PCGF5: variants seen among roughly 807,000 people sequenced by gnomAD.
PCGF5 encodes polycomb group RING finger protein 5.
Under a neutral mutation model 44.3 loss-of-function variants are expected in PCGF5, and 9 were observed. The ratio of observed to expected loss-of-function variants is 0.20; its 90% CI spans 0.12 to 0.35. PCGF5 has a LOEUF of 0.35. PCGF5 is among the 10% of genes least tolerant of loss of function. The pLI, the probability that PCGF5 is intolerant of heterozygous loss-of-function variation, is 1.00. For missense variants in PCGF5, 146 were observed against 305.3 expected (o/e 0.48, Z 3.89); for synonymous variants, 95 against 102.5 (o/e 0.93, Z 0.44).
rs975194774 is a variant in PCGF5 at position 91,201,509 on chromosome 10, G to C, written c.-183-21180G>C. ...TCCCATCAAAGTGAAAGCTTACCAG[G>C]AAGCCCAATGTGTAAAAAAAATACG... On this transcript the variant is annotated intron_variant, in intron 1 of 9. Coordinates refer to the PCGF5 transcript ENST00000614189. 5.3e-5 allele frequency among the ~76,000 whole-genome samples: 8 copies of C among 152,252 alleles called. No individual in the cohort carries two copies. In the East Asian group the frequency reaches 1.4e-3, roughly 26 times the overall value.
At chr10:91,231,108 A>G (rs1398048970) in intron 2 of PCGF5, among the ~76,000 whole-genome samples, 2 of 152,196 alleles carry the variant, frequency 1.3e-5, no homozygotes, top group Non-Finnish European at 2.9e-5. Flanking sequence ...CCCTTGCTTT[A>G]GTTGAAAATG....
intron 1 of PCGF5, among the ~76,000 whole-genome samples, chr10:91,168,412 AT>A (rs1251641856): frequency 6.6e-6 from 1 of 152,180 alleles, no homozygotes; most frequent in East Asian, 1.9e-4. Flanking sequence ...GGAAAAGGAC[AT>A]TAGATTTGTC....
chr10:91,236,961 G>A (rs997309611), intron 2 of PCGF5, among the ~76,000 whole-genome samples: 2 of 152,258 alleles, frequency 1.3e-5, no homozygotes, highest in East Asian at 1.9e-4. Context: ...AAAATAAGGA[G>A]TAAGACATTC....
At position 91,198,695 on chromosome 10, in the gene PCGF5, A is replaced by G. The variant is rs143289082; in HGVS notation, c.-183-23994A>G. Among the ~76,000 whole-genome samples the G allele has an allele frequency of 3.3e-5, 5 of 152,322 alleles. No individual in the cohort carries two copies. In the East Asian group the frequency reaches 5.8e-4, roughly 18 times the overall value. On this transcript the variant is annotated intron_variant, in intron 1 of 9. Coordinates refer to the PCGF5 transcript ENST00000614189. ...AGCACCATGGGAATCTCCCTGGCCTATTCAGTAGCATTGAATCAATCCTGA... is the reference window on the plus strand; with the variant it reads ...AGCACCATGGGAATCTCCCTGGCCTGTTCAGTAGCATTGAATCAATCCTGA...
At chr10:91,253,293 A>G (rs2133385566) in intron 6 of PCGF5, among the ~76,000 whole-genome samples, 1 of 152,062 alleles carries the variant, frequency 6.6e-6, no homozygotes, top group East Asian at 1.9e-4. Flanking sequence ...TAATAGGCAT[A>G]ATAGTCAATA....
intron 1 of PCGF5, among the ~76,000 whole-genome samples, chr10:91,169,206 TAAAAG>T (rs1391762681): frequency 6.6e-6 from 1 of 152,134 alleles, no homozygotes; most frequent in Non-Finnish European, 1.5e-5. Flanking sequence ...ATTTTAATCT[TAAAAG>T]AGAGCCTATT....
chr10:91,166,063 A>C (rs749589874), intron 1 of PCGF5, among the ~76,000 whole-genome samples: 1 of 152,236 alleles, frequency 6.6e-6, no homozygotes, highest in Non-Finnish European at 1.5e-5. Flanking sequence ...TACTTGGCGC[A>C]GTTCATTCCT....
At position 91,262,427 on chromosome 10, in the gene PCGF5, CA is replaced by C. The variant is rs561684227; in HGVS notation, c.573+1010del. Among the ~76,000 whole-genome samples the C allele has an allele frequency of 5.1e-4, 78 of 151,620 alleles. 1 individual carries two copies. The South Asian group carries it at 9.4e-3, about 18-fold the overall frequency. The stretch of plus-strand genomic sequence containing the variant: ...TGGGCGACAGAGTGAGACTCCATCT[CA>C]AAAAAAGAAAAGAAAAGAAAATTAA... On this transcript the variant is annotated intron_variant, in intron 7 of 9. Transcript: ENST00000336126.
intron 1 of PCGF5, among the ~76,000 whole-genome samples, chr10:91,186,222 A>G (rs1381477748): frequency 6.6e-6 from 1 of 152,114 alleles, no homozygotes; most frequent in Non-Finnish European, 1.5e-5. Flanking sequence ...AAGTTATTTG[A>G]TCTCACCTGG....
chr10:91,169,144 C>T (rs934153677), intron 1 of PCGF5, among the ~76,000 whole-genome samples: 5 of 151,824 alleles, frequency 3.3e-5, no homozygotes, highest in South Asian at 4.1e-4. Flanking sequence ...AGTTTATTTA[C>T]GGTATAATAT....
intron 3 of PCGF5, among the ~76,000 whole-genome samples, chr10:91,245,241 G>T (rs939788587): frequency 6.6e-6 from 1 of 152,128 alleles, no homozygotes; most frequent in Non-Finnish European, 1.5e-5. Context: ...CAAAGGAGAC[G>T]GAGTGATCCA....
At chr10:91,265,914 C>T (rs1235772825) in intron 8 of PCGF5, among the ~76,000 whole-genome samples, 1 of 152,164 alleles carries the variant, frequency 6.6e-6, no homozygotes, top group Non-Finnish European at 1.5e-5. Flanking sequence ...CCTTGAAGAA[C>T]TTGTCATACA....
intron 1 of PCGF5, among the ~76,000 whole-genome samples, chr10:91,195,560 C>G (rs191492108): frequency 2.0e-5 from 3 of 151,568 alleles, no homozygotes; most frequent in Admixed American, 2.0e-4. Flanking sequence ...TCACGGCTCA[C>G]TGCAGCCTTG....
At chr10:91,178,501 C>T (rs1843755661) in intron 1 of PCGF5, among the ~76,000 whole-genome samples, 1 of 151,760 alleles carries the variant, frequency 6.6e-6, no homozygotes, top group Non-Finnish European at 1.5e-5. Context: ...GCAATACCCC[C>T]ATCACAGCCT....
chr10:91,180,511 T>C (rs923202044), intron 1 of PCGF5, among the ~76,000 whole-genome samples: 1 of 152,238 alleles, frequency 6.6e-6, no homozygotes, highest in African/African-American at 2.4e-5. Context: ...AGTTAATTTT[T>C]GTATATTGTG....
upstream of PCGF5, chr10:91,220,209 A>T (rs1844629332): frequency 2.8e-5 from 4 of 144,466 alleles, no homozygotes; most frequent in Admixed American, 7.3e-5. Flanking sequence ...CCCACACTAC[A>T]GTAACAAGTT....
intron 1 of PCGF5, among the ~76,000 whole-genome samples, chr10:91,175,556 G>A (rs1843690837): frequency 6.6e-6 from 1 of 152,054 alleles, no homozygotes; most frequent in African/African-American, 2.4e-5. Flanking sequence ...TGTGAACATG[G>A]AACTTGCAGT....
upstream of PCGF5, chr10:91,220,640 G>C (rs1844645784): frequency 6.6e-6 from 1 of 151,296 alleles, no homozygotes; most frequent in Admixed American, 6.6e-5. Context: ...ACCGGACCTG[G>C]GCCCCGAGGC....
chr10:91,183,850 G>C (rs1044142726), intron 1 of PCGF5, among the ~76,000 whole-genome samples: 1 of 152,112 alleles, frequency 6.6e-6, no homozygotes, highest in African/African-American at 2.4e-5. Context: ...GAAATTCTGG[G>C]TTGGAATTTC....
Sources: allele counts gnomAD v4.1 joint callset (sites outside exome capture counted in the v4.1 genomes callset), GRCh38; gene constraint gnomAD v4.1.1; transcripts MANE v1.5; gene names NCBI Gene and HGNC (gene_info 2026-07-23, HGNC 2026-07-21).